LARP1: variants seen among roughly 807,000 people sequenced by gnomAD.
LARP1 encodes La ribonucleoprotein 1, translational regulator.
LARP1 carries 36 observed loss-of-function variants against 122.7 expected under a neutral mutation model. The observed-to-expected ratio is 0.29, with a 90% CI of 0.22 to 0.39. The LOEUF is 0.39. Among genes scored for constraint, LARP1 ranks in the 10% least tolerant of loss-of-function variants. The pLI, the probability that LARP1 is intolerant of heterozygous loss-of-function variation, is 1.00. For missense variants in LARP1, 1,040 were observed against 1,403.6 expected, an observed-to-expected ratio of 0.74 and a Z score of 4.14; for synonymous variants, 539 against 528.7, an observed-to-expected ratio of 1.02 and a Z score of -0.27.
chr5:154,720,857 A>G (rs1354318553), intron 1 of LARP1, among the ~76,000 whole-genome samples: 1 of 152,190 alleles, frequency 6.6e-6, no homozygotes, highest in African/African-American at 2.4e-5. Context: ...ACTGCGGGCT[A>G]CGGAACCCTG....
intron 1 of LARP1, among the ~76,000 whole-genome samples, chr5:154,763,452 T>TA (rs1005055416): frequency 6.6e-6 from 1 of 151,860 alleles, no homozygotes; most frequent in Admixed American, 6.6e-5. Context: ...TTGCTCAGAC[T>TA]AAAGACCTTA....
intron 1 of LARP1, among the ~76,000 whole-genome samples, chr5:154,735,545 T>TTATTTA (rs1554081515): frequency 4.2e-5 from 6 of 143,846 alleles, no homozygotes; most frequent in African/African-American, 1.3e-4. Context: ...TTATTTTTAT[T>TTATTTA]TTTATTTATT....
chr5:154,793,833 C>T lies in LARP1; in HGVS notation c.902C>T (p.Pro301Leu), dbSNP rs1757533195. The T allele has an allele frequency of 6.2e-7, 1 of 1,614,058 alleles. No homozygotes were observed. The highest frequency in any genetic ancestry group is 1.3e-5 in the African/African-American group (1 of 74,938). The change falls in exon 6 of 19, where the codon CCC becomes CTC. Residue 301 changes from proline (P) to leucine (L), a missense_variant. This residue lies in a region of LARP1 where 178 missense variants were observed against 178.3 expected (regional missense o/e 1.00). Transcript: ENST00000518297. ...TCTGCCACCTACGTGCCCGTGGCCCCCCCCACCCCAGCCTGGCAACCAGAG... is the reference window on the plus strand; with the variant it reads ...TCTGCCACCTACGTGCCCGTGGCCCTCCCCACCCCAGCCTGGCAACCAGAG... ...SESATYVPVA[P>L]PTPAWQPEIK... is the part of the protein sequence containing the mutation.
intron 1 of LARP1, among the ~76,000 whole-genome samples, chr5:154,716,902 A>T (rs766790196): frequency 2.0e-5 from 3 of 152,112 alleles, no homozygotes; most frequent in Non-Finnish European, 4.4e-5. Flanking sequence ...TCTACAAAAA[A>T]TTCAAAAATT....
At chr5:154,749,594 A>G (rs141531134) in intron 1 of LARP1, among the ~76,000 whole-genome samples, 115 of 152,314 alleles carry the variant, frequency 7.6e-4, no homozygotes, top group African/African-American at 2.6e-3. Flanking sequence ...CTTCCCAAGA[A>G]CTGAAATAAT....
At chr5:154,710,689 G>C (rs999531967), upstream of LARP1, among the ~76,000 whole-genome samples, 1 of 144,016 alleles carries the variant, frequency 6.9e-6, no homozygotes, top group East Asian at 2.1e-4. Flanking sequence ...GTTGCAGTGA[G>C]CCAAGATCGC....
intron 1 of LARP1, among the ~76,000 whole-genome samples, chr5:154,734,066 C>T (rs948537523): frequency 2.6e-5 from 4 of 151,544 alleles, no homozygotes; most frequent in African/African-American, 9.7e-5. Context: ...TCTTGGGAGG[C>T]TGAGGCAGGA....
chr5:154,795,402 T>C, intron 8 of LARP1, 83 bp downstream of exon 8: 3 of 1,417,490 alleles, frequency 2.1e-6, no homozygotes, highest in Non-Finnish European at 2.9e-6. Flanking sequence ...CAGAAAGCCC[T>C]GGAAGAGTCA....
chr5:154,744,798 C>T lies in LARP1; in HGVS notation c.205+31668C>T, dbSNP rs1262790975. ...GACTACAGGCGCCCGCCACTACGCC[C>T]GGCTAATTTTTTGTATTTTTAGTAG... On this transcript the variant is annotated intron_variant, in intron 1 of 18. Coordinates refer to the LARP1 transcript ENST00000336314. 8.3e-5 allele frequency among the ~76,000 whole-genome samples: 11 copies of T among 133,198 alleles called. 1 individual carries two copies. The highest frequency in any genetic ancestry group is 1.8e-4 in the African/African-American group (6 of 32,456). The allele number at this position is 133,198 out of a possible 152,430, so 87.4% of individuals were successfully genotyped here. A position where few individuals can be genotyped will look rare whatever the true frequency, so the allele number is the denominator to read the frequency against.
chr5:154,736,619 G>T (rs1463684746), intron 1 of LARP1, among the ~76,000 whole-genome samples: 6 of 151,630 alleles, frequency 4.0e-5, no homozygotes, highest in Non-Finnish European at 7.4e-5. Flanking sequence ...AAGCTGGAGT[G>T]CAGTAGCATG....
chr5:154,797,032 G>C (rs1757918267), intron 8 of LARP1, among the ~76,000 whole-genome samples: 1 of 151,926 alleles, frequency 6.6e-6, no homozygotes, highest in African/African-American at 2.4e-5. Flanking sequence ...TACATTTCCT[G>C]CCCCAGATCT....
Position 154,756,202 on chromosome 5 carries a change from C to T in LARP1, c.436+9C>T, listed in dbSNP as rs749816891. 3 of 1,253,438 alleles carry T rather than the reference C, an allele frequency of 2.4e-6. No homozygotes were observed. Among genetic ancestry groups the T allele is most frequent in the Admixed American group, 2.9e-5 (1 of 33,912 alleles). 77.6% of individuals were successfully genotyped at this position (1,253,438 alleles called of 1,614,324 possible). A position where few individuals can be genotyped will look rare whatever the true frequency, so the allele number is the denominator to read the frequency against. ...CGGACAGTCCCCCCCAGGTGGGTCT[C>T]CCTCCTTGCCCTCCTGGGTCCGGGG... On this transcript the variant is annotated intron_variant, in intron 1 of 18. Transcript: ENST00000518297.
At chr5:154,756,684 C>T (rs1303050931) in intron 1 of LARP1, among the ~76,000 whole-genome samples, 1 of 152,014 alleles carries the variant, frequency 6.6e-6, no homozygotes, top group African/African-American at 2.4e-5. Context: ...ACATGCTGGC[C>T]GCACGGATGC....
At chr5:154,745,901 T>C (rs558412374) in intron 1 of LARP1, among the ~76,000 whole-genome samples, 1 of 152,128 alleles carries the variant, frequency 6.6e-6, no homozygotes, top group Non-Finnish European at 1.5e-5. Context: ...GTTCAAGCGA[T>C]TCTCTTGCCT....
intron 1 of LARP1, among the ~76,000 whole-genome samples, chr5:154,737,534 C>T (rs961828111): frequency 2.0e-5 from 3 of 150,704 alleles, no homozygotes; most frequent in South Asian, 2.1e-4. Flanking sequence ...CTCCGCCTCC[C>T]GGGTTCAAGC....
intron 4 of LARP1, 42 bp from the exon 5 acceptor site, chr5:154,793,553 C>G (rs1757505117): frequency 6.2e-7 from 1 of 1,613,414 alleles, no homozygotes. Context: ...TAGGAGTGGC[C>G]TCTCCCTCAA....
intron 1 of LARP1, among the ~76,000 whole-genome samples, chr5:154,770,742 C>A (rs1162103304): frequency 6.6e-6 from 1 of 152,084 alleles, no homozygotes; most frequent in African/African-American, 2.4e-5. Context: ...TCTGGGAATC[C>A]AGACTGGAGT....
intron 16 of LARP1, among the ~76,000 whole-genome samples, chr5:154,809,560 G>A (rs970478746): frequency 6.6e-6 from 1 of 152,000 alleles, no homozygotes; most frequent in African/African-American, 2.4e-5. Context: ...ATGTGTAGTT[G>A]TAAAATTTAC....
At chr5:154,774,495 A>C (rs1755703069) in intron 1 of LARP1, among the ~76,000 whole-genome samples, 1 of 152,214 alleles carries the variant, frequency 6.6e-6, no homozygotes, top group South Asian at 2.1e-4. Flanking sequence ...AGAGCTGAGG[A>C]GTCTAAGGCA....
Sources: gnomAD v4.1 joint callset for allele counts (sites outside exome capture counted in the v4.1 genomes callset) on GRCh38, gnomAD v4.1.1 for gene constraint, gnomAD v4.1.1 regional missense constraint, MANE v1.5 for transcripts, NCBI Gene and HGNC (gene_info 2026-07-23, HGNC 2026-07-21) for gene names.